Variants in HMGCLL1 observed in about 807,000 individuals in gnomAD.
HMGCLL1 encodes the protein 3-hydroxymethyl-3-methylglutaryl-CoA lyase, cytoplasmic.
HMGCLL1 carries 36 observed loss-of-function variants against 39.1 expected under a neutral mutation model. The observed-to-expected ratio is 0.92, with a 90% CI of 0.71 to 1.22. The LOEUF is 1.22. Among genes scored for constraint, HMGCLL1 ranks in the 50% most tolerant of loss-of-function variants. The pLI, the probability that HMGCLL1 is intolerant of heterozygous loss-of-function variation, is 0.00. For synonymous variants in HMGCLL1, 149 were observed against 144.0 expected, an observed-to-expected ratio of 1.03 and a Z score of -0.25; for missense variants, 451 against 416.5, an observed-to-expected ratio of 1.08 and a Z score of -0.72.
At chr6:55,472,728 A>G (rs1039486784) in intron 7 of HMGCLL1, among the ~76,000 whole-genome samples, 4 of 151,516 alleles carry the variant, frequency 2.6e-5, no homozygotes, top group African/African-American at 9.7e-5. Context: ...GTATTCTGAT[A>G]TTATTGTATG....
chr6:55,609,047 C>A, the HMGCLL1 span, among the ~76,000 whole-genome samples: 1 of 152,236 alleles, frequency 6.6e-6, no homozygotes, highest in Admixed American at 6.5e-5. Context: ...TTCCTTAGAA[C>A]TGTGCAACCC....
chr6:55,595,861 G>A, the HMGCLL1 span, among the ~76,000 whole-genome samples: 2 of 152,124 alleles, frequency 1.3e-5, no homozygotes, highest in East Asian at 1.9e-4. Context: ...GACGTTAAAC[G>A]CTGCAGCATG....
the HMGCLL1 span, among the ~76,000 whole-genome samples, chr6:55,591,552 T>C: frequency 6.6e-6 from 1 of 151,906 alleles, no homozygotes; most frequent in Non-Finnish European, 1.5e-5. Flanking sequence ...TGAGTTCCTG[T>C]TCACTTTTTT....
intron 7 of HMGCLL1, among the ~76,000 whole-genome samples, chr6:55,440,265 A>C (rs1163393244): frequency 6.6e-6 from 1 of 152,120 alleles, no homozygotes; most frequent in Admixed American, 6.6e-5. Context: ...TGAAGTAGAT[A>C]CTCTTGTATC....
At chr6:55,527,319 T>C (rs1161006896) in intron 3 of HMGCLL1, among the ~76,000 whole-genome samples, 1 of 152,014 alleles carries the variant, frequency 6.6e-6, no homozygotes, top group Non-Finnish European at 1.5e-5. Context: ...CTTGGACATA[T>C]TGGTACAGAT....
chr6:55,514,427 C>T (rs1241769251), intron 4 of HMGCLL1, among the ~76,000 whole-genome samples: 1 of 152,076 alleles, frequency 6.6e-6, no homozygotes, highest in Admixed American at 6.6e-5. Context: ...CTGTGAGGCA[C>T]AAAAACACAA....
chr6:55,610,206 C>T, the HMGCLL1 span, among the ~76,000 whole-genome samples: 1 of 152,142 alleles, frequency 6.6e-6, no homozygotes, highest in Non-Finnish European at 1.5e-5. Context: ...CAGAAGTAGG[C>T]TTCAGAAGGT....
the HMGCLL1 span, among the ~76,000 whole-genome samples, chr6:55,614,361 T>G: frequency 2.0e-5 from 3 of 152,064 alleles, no homozygotes; most frequent in Non-Finnish European, 2.9e-5. Flanking sequence ...AAGGATATAA[T>G]AAGAAGCACG....
intron 1 of HMGCLL1, among the ~76,000 whole-genome samples, chr6:55,570,915 T>C (rs1338504652): frequency 6.6e-6 from 1 of 152,142 alleles, no homozygotes; most frequent in Non-Finnish European, 1.5e-5. Context: ...GGTGAAAGGC[T>C]CATCTTACAT....
intron 6 of HMGCLL1, among the ~76,000 whole-genome samples, chr6:55,498,952 G>A (rs956325955): frequency 2.7e-5 from 4 of 148,552 alleles, no homozygotes; most frequent in Non-Finnish European, 6.1e-5. Context: ...CACTCACTAC[G>A]TTATAGCCAC....
chr6:55,472,973 A>G (rs1202838726), intron 7 of HMGCLL1, among the ~76,000 whole-genome samples: 3 of 151,370 alleles, frequency 2.0e-5, no homozygotes, highest in Non-Finnish European at 3.0e-5. Flanking sequence ...TGGATAATGT[A>G]TTTATCATTA....
the HMGCLL1 span, among the ~76,000 whole-genome samples, chr6:55,631,711 C>T: frequency 2.6e-5 from 4 of 151,948 alleles, no homozygotes; most frequent in South Asian, 2.1e-4. Flanking sequence ...TTCTCTGTAC[C>T]GTTACTGGGC....
chr6:55,480,975 G>T (rs974648663), intron 7 of HMGCLL1, among the ~76,000 whole-genome samples: 7 of 151,990 alleles, frequency 4.6e-5, no homozygotes, highest in African/African-American at 1.7e-4. Flanking sequence ...GATTACCAGA[G>T]GCTAGGAAGG....
chr6:55,524,484 A>C (rs1768208553), intron 3 of HMGCLL1, among the ~76,000 whole-genome samples: 1 of 137,082 alleles, frequency 7.3e-6, no homozygotes, highest in South Asian at 2.3e-4. Context: ...AAAAAACGGG[A>C]TCCTCCAAAT....
chr6:55,646,076 T>C, the HMGCLL1 span, among the ~76,000 whole-genome samples: 1 of 151,950 alleles, frequency 6.6e-6, no homozygotes, highest in Admixed American at 6.6e-5. Context: ...TCATTATTTG[T>C]TACTGGTCTG....
At chr6:55,552,551 A>G (rs1770397166) in intron 1 of HMGCLL1, among the ~76,000 whole-genome samples, 1 of 152,012 alleles carries the variant, frequency 6.6e-6, no homozygotes, top group Non-Finnish European at 1.5e-5. Flanking sequence ...ACAATAGCTA[A>G]AAAGAGTTGT....
chr6:55,462,622 G>T (rs1437436024), intron 7 of HMGCLL1, among the ~76,000 whole-genome samples: 1 of 152,134 alleles, frequency 6.6e-6, no homozygotes, highest in Non-Finnish European at 1.5e-5. Context: ...CCTAGAGCAT[G>T]CAAATAATTA....
At chr6:55,621,327 A>G in the HMGCLL1 span, among the ~76,000 whole-genome samples, 2 of 151,994 alleles carry the variant, frequency 1.3e-5, no homozygotes, top group Non-Finnish European at 2.9e-5. Context: ...GGGCTCCCCA[A>G]ACCCTGGGCT....
the HMGCLL1 span, among the ~76,000 whole-genome samples, chr6:55,668,519 G>A: frequency 5.6e-4 from 85 of 151,798 alleles, no homozygotes; most frequent in African/African-American, 2.0e-3. Flanking sequence ...ATAAAACCTA[G>A]GCAGATTGAA....
Sources: gnomAD v4.1 joint callset for allele counts (sites outside exome capture counted in the v4.1 genomes callset) on GRCh38, gnomAD v4.1.1 for gene constraint, MANE v1.5 for transcripts, NCBI Gene and HGNC (gene_info 2026-07-23, HGNC 2026-07-21) for gene names.